The following MLIP variants were observed in gnomAD, a reference collection of about 807,000 sequenced individuals.
MLIP encodes the protein muscular LMNA-interacting protein.
In MLIP, 79 loss-of-function variants were observed where a neutral mutation model predicts 84.8. The observed-to-expected ratio is 0.93, with a 90% confidence interval of 0.78 to 1.12. MLIP has a LOEUF of 1.12. Ranked by LOEUF, MLIP falls within the 50% of genes most tolerant of loss-of-function variation. The pLI is 0.00. For missense variants in MLIP, 1,257 were observed against 1,160.6 expected, an observed-to-expected ratio of 1.08 and a Z score of -1.21; for synonymous variants, 504 against 463.0, an observed-to-expected ratio of 1.09 and a Z score of -1.14.
At chr6:54,164,802 T>A (rs924516106) in intron 8 of MLIP, among the ~76,000 whole-genome samples, 5 of 151,914 alleles carry the variant, frequency 3.3e-5, no homozygotes, top group South Asian at 2.1e-4. Context: ...CTTTTTTTTT[T>A]AATTGCTGAT....
intron 10 of MLIP, among the ~76,000 whole-genome samples, chr6:54,200,807 A>C (rs887219670): frequency 5.3e-5 from 8 of 152,136 alleles, no homozygotes; most frequent in Admixed American, 5.2e-4. Flanking sequence ...GTATTTTCCC[A>C]GTTGTCATAT....
chr6:54,060,274 G>GT (rs1291116434), intron 1 of MLIP, among the ~76,000 whole-genome samples: 1 of 152,218 alleles, frequency 6.6e-6, no homozygotes, highest in Non-Finnish European at 1.5e-5. Flanking sequence ...AAATTCTCAA[G>GT]TGCTTCATGC....
At chr6:54,028,014 G>A (rs141304003) in intron 1 of MLIP, among the ~76,000 whole-genome samples, 3 of 152,260 alleles carry the variant, frequency 2.0e-5, no homozygotes, top group African/African-American at 7.2e-5. Flanking sequence ...TCTGTCTCAA[G>A]TACAGCTCCC....
At chr6:54,147,474 T>C (rs1772974422) in intron 4 of MLIP, among the ~76,000 whole-genome samples, 1 of 152,144 alleles carries the variant, frequency 6.6e-6, no homozygotes, top group African/African-American at 2.4e-5. Flanking sequence ...TGAAGTGACC[T>C]GAGACATCTT....
intron 12 of MLIP, among the ~76,000 whole-genome samples, chr6:54,234,135 T>C (rs1316572100): frequency 6.6e-6 from 1 of 152,076 alleles, no homozygotes; most frequent in African/African-American, 2.4e-5. Flanking sequence ...AATTCTTTTA[T>C]CCTTAAAAGT....
At chr6:54,103,759 A>G (rs372650784) in intron 1 of MLIP, among the ~76,000 whole-genome samples, 11 of 152,218 alleles carry the variant, frequency 7.2e-5, no homozygotes, top group African/African-American at 2.7e-4. Context: ...TGAAACATGT[A>G]TCGTAAGTAG....
intron 1 of MLIP, among the ~76,000 whole-genome samples, chr6:54,091,263 A>C (rs7760730): frequency 0.02 from 3,062 of 152,290 alleles, 107 homozygotes; most frequent in African/African-American, 0.069. Context: ...GTGTTGTTAT[A>C]CATTGAGATT....
rs966726212 is a variant in MLIP at position 54,166,564 on chromosome 6, G to T, written c.2500-2964G>T. On this transcript the variant is annotated intron_variant, in intron 8 of 13. Transcript: ENST00000502396. ...TATTTTAGAACTCCGTAGTCTCTCT[G>T]TTTTTCCTCTATCTCCCTTTTTTAT... Among the ~76,000 whole-genome samples the T allele has an allele frequency of 1.3e-5, 2 of 151,734 alleles. 1 individual carries two copies. The highest frequency in any genetic ancestry group is 4.8e-5 in the African/African-American group (2 of 41,322).
intron 11 of MLIP, among the ~76,000 whole-genome samples, chr6:54,227,909 C>A (rs773712910): frequency 6.6e-6 from 1 of 152,048 alleles, no homozygotes. Flanking sequence ...CCAGGCCGGG[C>A]GCAGTGGCTC....
At chr6:54,202,334 G>A in intron 11 of MLIP, 101 bp downstream of exon 11, 1 of 644,160 alleles carries the variant, frequency 1.6e-6, no homozygotes, top group Non-Finnish European at 2.1e-6. Flanking sequence ...ATAAAATAAA[G>A]ATGTCTCTAT....
At chr6:54,230,693 G>T (rs1323078560) in intron 11 of MLIP, 21 bp from the exon 12 acceptor site, 2 of 1,610,858 alleles carry the variant, frequency 1.2e-6, no homozygotes, top group East Asian at 2.2e-5. Flanking sequence ...ATCCTCTTAT[G>T]CCTTTCTTCT....
At chr6:54,199,773 G>C (rs1376022104) in intron 10 of MLIP, among the ~76,000 whole-genome samples, 1 of 152,110 alleles carries the variant, frequency 6.6e-6, no homozygotes, top group Admixed American at 6.6e-5. Context: ...ATGAAGTATT[G>C]ACTACTGGGT....
chr6:54,256,941 T>C (rs919402363), intron 12 of MLIP, among the ~76,000 whole-genome samples: 11 of 152,152 alleles, frequency 7.2e-5, no homozygotes, highest in African/African-American at 2.7e-4. Context: ...AGGCCTATTA[T>C]CTGAGAGGTG....
chr6:54,205,426 G>A (rs1326559978), intron 11 of MLIP, among the ~76,000 whole-genome samples: 1 of 152,162 alleles, frequency 6.6e-6, no homozygotes, highest in Non-Finnish European at 1.5e-5. Flanking sequence ...CCTTGTACTG[G>A]GGACAGTTCC....
At chr6:54,259,253 G>A (rs1488626446) in intron 13 of MLIP, among the ~76,000 whole-genome samples, 3 of 151,596 alleles carry the variant, frequency 2.0e-5, no homozygotes, top group African/African-American at 7.3e-5. Flanking sequence ...GTATGATAGT[G>A]GCAAATTGTG....
At position 54,160,732 on chromosome 6, in the gene MLIP, T is replaced by C. The variant is rs368364951; in HGVS notation, c.2440-8T>C. 5.7e-6 allele frequency: 9 copies of C among 1,572,412 alleles called. No homozygotes were observed. The highest frequency in any genetic ancestry group is 7.9e-6 in the Non-Finnish European group (9 of 1,143,222). On this transcript the variant is annotated splice_polypyrimidine_tract_variant and splice_region_variant and intron_variant, in intron 7 of 13. Transcript: ENST00000502396. ...TCTTCTTCTTTCCTTCCTTTCTTTT[T>C]TTTTCAGCATTCTTCTGATTCTCCT...
At position 54,137,026 on chromosome 6, in the gene MLIP, G is replaced by A; in HGVS notation, c.957G>A (p.Lys319=). Residue 319 remains lysine (K), a synonymous_variant, in exon 4 of 14, where the codon AAG becomes AAA. Transcript: ENST00000502396. ...NLPSSTAADP[K]PGLTSEVLKK... Reference sequence around the variant, plus strand: ...CCAGTTCAACTGCAGCAGATCCAAAGCCTGGACTGACCTCTGAAGTTCTCA... The same window carrying A: ...CCAGTTCAACTGCAGCAGATCCAAAACCTGGACTGACCTCTGAAGTTCTCA... The A allele has an allele frequency of 6.5e-7, 1 of 1,536,042 alleles. No individual in the cohort carries two copies. Among genetic ancestry groups the A allele is most frequent in the African/African-American group, 1.4e-5 (1 of 73,130 alleles).
chr6:54,153,370 T>C (rs1455236923), intron 5 of MLIP, among the ~76,000 whole-genome samples: 1 of 152,084 alleles, frequency 6.6e-6, no homozygotes, highest in African/African-American at 2.4e-5. Context: ...TCTTGCTATG[T>C]TGCCCAGGCT....
intron 1 of MLIP, among the ~76,000 whole-genome samples, chr6:54,048,702 G>A (rs1045533794): frequency 1.3e-5 from 2 of 150,500 alleles, no homozygotes; most frequent in Non-Finnish European, 2.9e-5. Flanking sequence ...ACAGATGAAG[G>A]CTCTGGCCTG....
Sources: allele counts gnomAD v4.1 joint callset (sites outside exome capture counted in the v4.1 genomes callset), GRCh38; gene constraint gnomAD v4.1.1; transcripts MANE v1.5; gene names NCBI Gene and HGNC (gene_info 2026-07-23, HGNC 2026-07-21).